QTMAN: variants seen among roughly 807,000 people sequenced by gnomAD.
The protein encoded by QTMAN is tRNA-queuosine alpha-mannosyltransferase.
At chr2:144,298,226 G>C in the QTMAN span, among the ~76,000 whole-genome samples, 2 of 152,000 alleles carry the variant, frequency 1.3e-5, no homozygotes, top group African/African-American at 2.4e-5. Flanking sequence ...CACTGTGTTA[G>C]CCAGGATGGT....
At chr2:144,077,063 AAGAG>A in the QTMAN span, among the ~76,000 whole-genome samples, 10 of 151,540 alleles carry the variant, frequency 6.6e-5, no homozygotes, top group Non-Finnish European at 1.2e-4. Context: ...AAAAAAAAAA[AAGAG>A]AGATTAAGAA....
the QTMAN span, among the ~76,000 whole-genome samples, chr2:143,973,877 C>T: frequency 1.3e-5 from 2 of 151,974 alleles, no homozygotes; most frequent in African/African-American, 4.8e-5. Flanking sequence ...CATATCAAGG[C>T]ACGGATGACA....
chr2:144,276,698 C>T, the QTMAN span, among the ~76,000 whole-genome samples: 3 of 152,060 alleles, frequency 2.0e-5, no homozygotes, highest in Non-Finnish European at 2.9e-5. Flanking sequence ...TTCAGGGAAA[C>T]GACAATGATA....
At chr2:144,310,787 A>C in the QTMAN span, among the ~76,000 whole-genome samples, 2 of 152,214 alleles carry the variant, frequency 1.3e-5, no homozygotes, top group Non-Finnish European at 2.9e-5. Context: ...AGATGAAACA[A>C]GTTTGGGTAA....
At chr2:143,970,194 C>T in the QTMAN span, among the ~76,000 whole-genome samples, 22 of 152,156 alleles carry the variant, frequency 1.4e-4, no homozygotes, top group Admixed American at 1.1e-3. Flanking sequence ...CATGGACCAA[C>T]GACAACTATG....
chr2:144,076,406 G>A, the QTMAN span, among the ~76,000 whole-genome samples: 1 of 152,214 alleles, frequency 6.6e-6, no homozygotes, highest in South Asian at 2.1e-4. Context: ...TTTTTAAATG[G>A]GTCACTTAGA....
chr2:144,125,971 G>A, the QTMAN span, among the ~76,000 whole-genome samples: 1 of 152,008 alleles, frequency 6.6e-6, no homozygotes, highest in Non-Finnish European at 1.5e-5. Flanking sequence ...AAGTCAATGG[G>A]AAATGGAGGA....
chr2:144,047,315 G>C, the QTMAN span, among the ~76,000 whole-genome samples: 2 of 152,182 alleles, frequency 1.3e-5, no homozygotes, highest in African/African-American at 4.8e-5. Context: ...CATTTGTGAA[G>C]CTATCCATCT....
the QTMAN span, among the ~76,000 whole-genome samples, chr2:144,058,953 C>T: frequency 6.6e-6 from 1 of 152,164 alleles, no homozygotes; most frequent in Admixed American, 6.5e-5. Flanking sequence ...TAGTTTTCTC[C>T]AATTTAATGT....
the QTMAN span, among the ~76,000 whole-genome samples, chr2:144,281,425 A>G: frequency 6.6e-6 from 1 of 151,400 alleles, no homozygotes; most frequent in Non-Finnish European, 1.5e-5. Context: ...AAAACGGAAA[A>G]TAACCTAAAT....
chr2:143,970,618 A>C, the QTMAN span: 1 of 1,051,154 alleles, frequency 9.5e-7, no homozygotes, highest in Non-Finnish European at 1.5e-6. Flanking sequence ...TATGTCATCT[A>C]TAAAAATACA....
the QTMAN span, among the ~76,000 whole-genome samples, chr2:144,239,196 A>G: frequency 6.6e-6 from 1 of 152,148 alleles, no homozygotes; most frequent in Non-Finnish European, 1.5e-5. Context: ...AAAAAAGAAA[A>G]GTGGATGCTA....
the QTMAN span, among the ~76,000 whole-genome samples, chr2:144,277,363 ATGTG>A: frequency 6.6e-6 from 1 of 152,100 alleles, no homozygotes; most frequent in Non-Finnish European, 1.5e-5. Flanking sequence ...CCCACCATAA[ATGTG>A]TTCAAAGTAA....
chr2:144,304,397 T>C, the QTMAN span, among the ~76,000 whole-genome samples: 1 of 152,228 alleles, frequency 6.6e-6, no homozygotes, highest in African/African-American at 2.4e-5. Context: ...TAAAAGACAG[T>C]AAAATCAAGA....
the QTMAN span, among the ~76,000 whole-genome samples, chr2:144,182,850 ATTTTATATATAATATATAT>A: frequency 4.9e-5 from 3 of 61,138 alleles, no homozygotes; most frequent in African/African-American, 7.1e-5. Context: ...TTATATATAT[ATTTTATATATAATATATAT>A]ATATTATATA....
chr2:144,105,906 T>C, the QTMAN span, among the ~76,000 whole-genome samples: 7 of 152,340 alleles, frequency 4.6e-5, no homozygotes, highest in East Asian at 1.9e-4. Flanking sequence ...AGTGAATCTC[T>C]TGGCAGAAAC....
chr2:144,157,967 A>C, the QTMAN span, among the ~76,000 whole-genome samples: 1 of 151,990 alleles, frequency 6.6e-6, no homozygotes. Flanking sequence ...TAATATTTCA[A>C]ATGTTGAAAT....
chr2:143,994,964 C>A, the QTMAN span, among the ~76,000 whole-genome samples: 1 of 152,080 alleles, frequency 6.6e-6, no homozygotes, highest in Non-Finnish European at 1.5e-5. Context: ...GCAGAAAGTG[C>A]TTTTTACCAA....
chr2:144,281,395 C>CAAAAAAAAAAAAAA, the QTMAN span, among the ~76,000 whole-genome samples: 2 of 60,594 alleles, frequency 3.3e-5, no homozygotes, highest in Admixed American at 2.3e-4. Context: ...ATTGTTATAG[C>CAAAAAAAAAAAAAA]AAAAAAAAAA....
Sources: gnomAD v4.1 joint callset for allele counts (sites outside exome capture counted in the v4.1 genomes callset) on GRCh38, gnomAD v4.1.1 for gene constraint, MANE v1.5 for transcripts, NCBI Gene and HGNC (gene_info 2026-07-23, HGNC 2026-07-21) for gene names.